KLHL1: variants seen among roughly 807,000 people sequenced by gnomAD.
The protein encoded by KLHL1 is kelch-like protein 1.
A neutral mutation model predicts 77.7 loss-of-function variants in KLHL1; 47 were observed. That is an observed-to-expected ratio of 0.60 (90% CI 0.48 to 0.77). The LOEUF is 0.77. Ranked by LOEUF, KLHL1 falls within the 30% of genes least tolerant of loss-of-function variation. KLHL1 has a pLI of 0.00. For synonymous variants in KLHL1, 360 were observed against 325.2 expected (o/e 1.11, Z -1.15); for missense variants, 925 against 910.8 (o/e 1.02, Z -0.20).
At chr13:69,762,744 G>A (rs1309991903) in intron 7 of KLHL1, among the ~76,000 whole-genome samples, 1 of 149,940 alleles carries the variant, frequency 6.7e-6, no homozygotes, top group Non-Finnish European at 1.5e-5. Context: ...CTGCCATCAT[G>A]AGACTCTTAC....
chr13:70,049,045 T>C (rs1886571080), intron 1 of KLHL1, among the ~76,000 whole-genome samples: 1 of 152,360 alleles, frequency 6.6e-6, no homozygotes, highest in East Asian at 1.9e-4. Context: ...CCATGTTTCA[T>C]TGAATGCACT....
chr13:69,961,255 A>G, intron 3 of KLHL1, 53 bp downstream of exon 3: 2 of 1,547,354 alleles, frequency 1.3e-6, no homozygotes, highest in Non-Finnish European at 1.8e-6. Flanking sequence ...CTTAAAGGAA[A>G]TGAGCTAAAA....
At chr13:69,860,080 TTA>T (rs769753925) in intron 5 of KLHL1, among the ~76,000 whole-genome samples, 1 of 152,098 alleles carries the variant, frequency 6.6e-6, no homozygotes, top group Non-Finnish European at 1.5e-5. Flanking sequence ...TTTAGTGTGT[TTA>T]TATGTGTGAT....
At chr13:69,981,494 A>G (rs1293112579) in intron 1 of KLHL1, among the ~76,000 whole-genome samples, 1 of 152,080 alleles carries the variant, frequency 6.6e-6, no homozygotes, top group African/African-American at 2.4e-5. Context: ...TAGATCTTAG[A>G]CAAAGACCTG....
At chr13:70,089,595 AT>A (rs1448472332) in intron 1 of KLHL1, among the ~76,000 whole-genome samples, 9 of 152,152 alleles carry the variant, frequency 5.9e-5, no homozygotes, top group African/African-American at 1.9e-4. Context: ...TTATGTATAT[AT>A]AAATTTTATA....
chr13:70,071,199 A>G (rs1887129845), intron 1 of KLHL1, among the ~76,000 whole-genome samples: 1 of 152,100 alleles, frequency 6.6e-6, no homozygotes, highest in Non-Finnish European at 1.5e-5. Context: ...AGCAACGGGG[A>G]AAGATATACC....
chr13:70,029,551 G>A (rs1185377323), intron 1 of KLHL1, among the ~76,000 whole-genome samples: 1 of 152,128 alleles, frequency 6.6e-6, no homozygotes, highest in Non-Finnish European at 1.5e-5. Context: ...ACAAGCAAAT[G>A]CTGAGAGATT....
intron 7 of KLHL1, among the ~76,000 whole-genome samples, chr13:69,748,097 CAT>C (rs1482989697): frequency 2.0e-5 from 3 of 151,912 alleles, no homozygotes; most frequent in Non-Finnish European, 2.9e-5. Context: ...AGACAATAAA[CAT>C]ATAAATATTG....
chr13:69,934,866 A>T (rs903745372), intron 4 of KLHL1, among the ~76,000 whole-genome samples: 2 of 150,942 alleles, frequency 1.3e-5, no homozygotes, highest in African/African-American at 4.9e-5. Flanking sequence ...TCATATAAAC[A>T]TCATTTATTT....
chr13:69,727,046 T>C (rs890654703), intron 8 of KLHL1, among the ~76,000 whole-genome samples: 5 of 152,114 alleles, frequency 3.3e-5, no homozygotes, highest in African/African-American at 1.2e-4. Flanking sequence ...GGGAAAATTA[T>C]TAATTATGTG....
chr13:69,795,030 C>T (rs1320771800), intron 7 of KLHL1, among the ~76,000 whole-genome samples: 2 of 152,056 alleles, frequency 1.3e-5, no homozygotes, highest in South Asian at 2.1e-4. Flanking sequence ...TATTTGAGTA[C>T]GATACATAAT....
intron 1 of KLHL1, among the ~76,000 whole-genome samples, chr13:70,065,480 A>G (rs1398348534): frequency 6.6e-6 from 1 of 152,188 alleles, no homozygotes; most frequent in Non-Finnish European, 1.5e-5. Flanking sequence ...TGGAAGGCTG[A>G]ATAAAGAGGT....
At chr13:69,720,744 C>T (rs1030239750) in intron 8 of KLHL1, among the ~76,000 whole-genome samples, 6 of 151,296 alleles carry the variant, frequency 4.0e-5, no homozygotes, top group African/African-American at 1.5e-4. Flanking sequence ...TTGAGGATGA[C>T]TAAATAGTGA....
chr13:69,834,072 G>T (rs1878881714), intron 6 of KLHL1, among the ~76,000 whole-genome samples: 1 of 151,852 alleles, frequency 6.6e-6, no homozygotes, highest in Admixed American at 6.6e-5. Context: ...AATGGACTTT[G>T]GGGACTTGAG....
At chr13:70,087,420 CAT>C (rs1309184920) in intron 1 of KLHL1, among the ~76,000 whole-genome samples, 1 of 151,840 alleles carries the variant, frequency 6.6e-6, no homozygotes, top group Non-Finnish European at 1.5e-5. Flanking sequence ...GTAAAAACGG[CAT>C]AGTCATGTGT....
chr13:70,001,208 G>T (rs1464299800), intron 1 of KLHL1, among the ~76,000 whole-genome samples: 2 of 150,396 alleles, frequency 1.3e-5, no homozygotes, highest in African/African-American at 4.9e-5. Flanking sequence ...TATAAAACAG[G>T]AAATAGGAAA....
At chr13:69,769,107 T>C (rs376900306) in intron 7 of KLHL1, among the ~76,000 whole-genome samples, 4 of 152,334 alleles carry the variant, frequency 2.6e-5, no homozygotes, top group African/African-American at 9.6e-5. Context: ...ACCCACTATG[T>C]ACCAGGAGTA....
In KLHL1 at chr13:69,872,052, A is replaced by T. The variant is rs564790459; in HGVS notation, c.1227+10231T>A. ...AGTCTGTTTTGTGTTGCTATAAAGG[A>T]CTACCTGAGGCTAGATAATTTATAA... is the stretch of plus-strand genomic sequence containing the variant. On this transcript the variant is annotated intron_variant, in intron 5 of 10. Coordinates refer to ENST00000377844, the MANE Select transcript of KLHL1 (RefSeq NM_020866.3). 1.6e-4 allele frequency among the ~76,000 whole-genome samples: 24 copies of T among 152,236 alleles called. No homozygotes were observed. The East Asian group carries it at 4.5e-3, about 28-fold the overall frequency.
At position 69,958,905 on chromosome 13, in the gene KLHL1, T is replaced by A. The variant is rs117109797; in HGVS notation, c.817+2403A>T. Among the ~76,000 whole-genome samples, 75 of 152,158 alleles carry A rather than the reference T, an allele frequency of 4.9e-4. 1 individual carries two copies. Among genetic ancestry groups the A allele is most frequent in the Non-Finnish European group, 1.9e-4 (13 of 67,968 alleles). ...AGGTAGATAGTACAGTTACCTCCTA[T>A]GCTTCCCTTTCTATACAACTGATCA... On this transcript the variant is annotated intron_variant, in intron 3 of 10. Coordinates refer to ENST00000377844, the MANE Select transcript of KLHL1 (RefSeq NM_020866.3).
Sources: gnomAD v4.1 joint callset for allele counts (sites outside exome capture counted in the v4.1 genomes callset) on GRCh38, gnomAD v4.1.1 for gene constraint, MANE v1.5 for transcripts, NCBI Gene and HGNC (gene_info 2026-07-23, HGNC 2026-07-21) for gene names.